The following NREP variants were observed in gnomAD, a reference collection of about 807,000 sequenced individuals.
NREP encodes the protein neuronal regeneration related protein.
NREP carries 5 observed loss-of-function variants against 8.6 expected under a neutral mutation model. The ratio of observed to expected loss-of-function variants is 0.58; its 90% confidence interval spans 0.30 to 1.22. The LOEUF is 1.22. Among genes scored for constraint, NREP ranks in the 50% most tolerant of loss-of-function variants. NREP has a pLI of 0.07. For missense variants in NREP, 86 were observed against 82.5 expected (o/e 1.04, Z -0.17); for synonymous variants, 27 against 28.0 (o/e 0.96, Z 0.11).
chr5:111,763,211 G>C (rs1445221929), intron 2 of NREP, among the ~76,000 whole-genome samples: 1 of 152,192 alleles, frequency 6.6e-6, no homozygotes, highest in East Asian at 1.9e-4. Context: ...GATTCAGTAA[G>C]TCTCAGGGAG....
intron 2 of NREP, 135 bp from the exon 3 acceptor site, chr5:111,735,642 C>A: frequency 1.7e-6 from 1 of 591,246 alleles, no homozygotes. Context: ...ACTGGGGAAA[C>A]CATTAACTCT....
intron 2 of NREP, among the ~76,000 whole-genome samples, chr5:111,835,373 C>G (rs144595208): frequency 1.6e-3 from 236 of 152,178 alleles, no homozygotes; most frequent in African/African-American, 5.5e-3. Context: ...AGACCTTATA[C>G]CTGCCCACAA....
chr5:111,935,437 A>T (rs1190044062), intron 2 of NREP, among the ~76,000 whole-genome samples: 3 of 152,008 alleles, frequency 2.0e-5, no homozygotes, highest in Non-Finnish European at 2.9e-5. Context: ...AGAGGGGAGG[A>T]TGTACCCCTG....
At chr5:111,918,799 G>A (rs933141612) in intron 2 of NREP, among the ~76,000 whole-genome samples, 1 of 152,156 alleles carries the variant, frequency 6.6e-6, no homozygotes. Context: ...ACATAGGCAT[G>A]GGCAAAGACT....
At chr5:111,839,251 G>A (rs957335252) in intron 2 of NREP, among the ~76,000 whole-genome samples, 10 of 152,048 alleles carry the variant, frequency 6.6e-5, no homozygotes, top group Non-Finnish European at 1.0e-4. Context: ...AAGAACCTAA[G>A]GCTATGATGT....
chr5:111,746,042 A>C (rs997934181), intron 2 of NREP, among the ~76,000 whole-genome samples: 2 of 152,162 alleles, frequency 1.3e-5, no homozygotes, highest in South Asian at 2.1e-4. Context: ...ACAGTCAAAG[A>C]TGTAGTGACC....
At chr5:111,871,846 CTA>C (rs141111202) in intron 2 of NREP, among the ~76,000 whole-genome samples, 26 of 144,374 alleles carry the variant, frequency 1.8e-4, no homozygotes, top group Non-Finnish European at 2.4e-4. Context: ...GTAGTACAGA[CTA>C]TATATATATA....
At chr5:111,943,662 G>A (rs1483035793) in intron 2 of NREP, among the ~76,000 whole-genome samples, 1 of 152,102 alleles carries the variant, frequency 6.6e-6, no homozygotes, top group Non-Finnish European at 1.5e-5. Context: ...TGGGTTAAAT[G>A]CTGGATTTGC....
intron 2 of NREP, among the ~76,000 whole-genome samples, chr5:111,865,431 C>T (rs904414727): frequency 6.6e-6 from 1 of 152,084 alleles, no homozygotes; most frequent in Non-Finnish European, 1.5e-5. Flanking sequence ...CTGCTAAAGC[C>T]ACCAGGGATG....
At chr5:111,934,474 T>C (rs1755627794) in intron 2 of NREP, among the ~76,000 whole-genome samples, 1 of 152,024 alleles carries the variant, frequency 6.6e-6, no homozygotes, top group South Asian at 2.1e-4. Flanking sequence ...GTAATTAAAA[T>C]AACTCATTTT....
upstream of NREP, among the ~76,000 whole-genome samples, chr5:111,759,449 T>TA (rs1345814282): frequency 7.9e-5 from 12 of 151,698 alleles, no homozygotes; most frequent in East Asian, 1.9e-3. Flanking sequence ...AATGGAGACT[T>TA]ACCATGTTAC....
At chr5:111,854,732 GA>G (rs1033595106) in intron 2 of NREP, among the ~76,000 whole-genome samples, 1 of 151,962 alleles carries the variant, frequency 6.6e-6, no homozygotes, top group African/African-American at 2.4e-5. Flanking sequence ...AATAAAACAT[GA>G]AAAAAACTTG....
At chr5:111,756,289 C>T (rs1429788529) in intron 1 of NREP, 8 of 426,594 alleles carry the variant, frequency 1.9e-5, no homozygotes, top group Non-Finnish European at 2.3e-5. Context: ...ACATAACCTT[C>T]CGTGTTTAAA....
intron 2 of NREP, among the ~76,000 whole-genome samples, chr5:111,849,760 C>T (rs1280843544): frequency 6.6e-6 from 1 of 152,084 alleles, no homozygotes; most frequent in African/African-American, 2.4e-5. Flanking sequence ...TATACATTTT[C>T]TAGACTCCCT....
chr5:111,954,806 G>C (rs1022429235), intron 2 of NREP, among the ~76,000 whole-genome samples: 1 of 152,138 alleles, frequency 6.6e-6, no homozygotes, highest in African/African-American at 2.4e-5. Context: ...TCATTGAGAA[G>C]TCAACATTAA....
intron 2 of NREP, among the ~76,000 whole-genome samples, chr5:111,814,467 C>T (rs1752340224): frequency 6.6e-6 from 1 of 152,132 alleles, no homozygotes; most frequent in Non-Finnish European, 1.5e-5. Context: ...CGATTCCCCT[C>T]CATTGCCTCC....
At chr5:111,805,574 T>C (rs561444834) in intron 2 of NREP, among the ~76,000 whole-genome samples, 12 of 152,224 alleles carry the variant, frequency 7.9e-5, no homozygotes, top group Non-Finnish European at 1.3e-4. Flanking sequence ...AAATAGTATA[T>C]GTGATGTGTG....
chr5:111,916,373 C>T (rs1021966456), intron 2 of NREP, among the ~76,000 whole-genome samples: 1 of 152,040 alleles, frequency 6.6e-6, no homozygotes, highest in Non-Finnish European at 1.5e-5. Context: ...CCAGCACTCC[C>T]AGCCCACCCT....
In NREP at chr5:111,856,112, A is replaced by G. The variant is rs1753421456; in HGVS notation, c.135+119162T>C. Among the ~76,000 whole-genome samples the G allele has an allele frequency of 2.0e-5, 3 of 152,134 alleles. No homozygotes were observed. The South Asian group carries it at 6.2e-4, about 32-fold the overall frequency. On this transcript the variant is annotated intron_variant, in intron 2 of 3. Coordinates refer to the NREP transcript ENST00000395634. Reference sequence around the variant, plus strand: ...ACCTGCCACTGAGGCAAGGGGAAGCATGGTGGGGGATCTGGGAGGTTTCCA... The same window carrying G: ...ACCTGCCACTGAGGCAAGGGGAAGCGTGGTGGGGGATCTGGGAGGTTTCCA...
Sources: gnomAD v4.1 joint callset for allele counts (sites outside exome capture counted in the v4.1 genomes callset) on GRCh38, gnomAD v4.1.1 for gene constraint, MANE v1.5 for transcripts, NCBI Gene and HGNC (gene_info 2026-07-23, HGNC 2026-07-21) for gene names.